Variants in NWD2 observed in about 807,000 individuals in gnomAD.
The protein encoded by NWD2 is NACHT and WD repeat domain containing 2.
A neutral mutation model predicts 132.7 loss-of-function variants in NWD2; 37 were observed. That is an observed-to-expected ratio of 0.28 (90% CI 0.21 to 0.37). The LOEUF is 0.37. NWD2 is among the 10% of genes least tolerant of loss of function. The pLI is 1.00. For missense variants in NWD2, 1,592 were observed against 2,122.4 expected (o/e 0.75, Z 4.91); for synonymous variants, 705 against 803.0 (o/e 0.88, Z 2.06).
Position 37,445,792 on chromosome 4 carries a change from A to C in NWD2, c.3804A>C (p.Ala1268=). Residue 1268 remains alanine, a synonymous_variant, in exon 7 of 7, where the codon GCA becomes GCC. Coordinates refer to ENST00000309447, the MANE Select transcript of NWD2 (RefSeq NM_001144990.2). This position sits in a 1 kb window ranked among gnomAD's most constrained non-coding sequence, Gnocchi z 4.7. The part of the protein sequence containing the change: ...FWRRDTGQCM[A]SLQEISGSIV... ...GGCGGGACACAGGACAGTGTATGGC[A>C]AGCTTGCAGGAAATCTCAGGTTCCA... The C allele has an allele frequency of 6.4e-7, 1 of 1,551,954 alleles. No homozygotes were observed. The highest frequency in any genetic ancestry group is 8.7e-7 in the Non-Finnish European group (1 of 1,147,054).
rs1345210493 is a variant in NWD2, at chr4:37,443,697, T to C, written c.1709T>C (p.Ile570Thr). The C allele has an allele frequency of 3.2e-6, 5 of 1,551,956 alleles. No homozygotes were observed. The highest frequency in any genetic ancestry group is 4.4e-6 in the Non-Finnish European group (5 of 1,147,088). ...GAAGAAGACAACTACATCGAGCTGA[T>C]TCCCCGAGACAGGAAGATGTGCAGC... is the stretch of plus-strand genomic sequence containing the variant. The part of the protein sequence containing the change: ...IHEEDNYIEL[I>T]PRDRKMCSQV... Residue 570 changes from isoleucine to threonine, a missense_variant, in exon 7 of 7, where the codon ATT becomes ACT. Physicochemically the swap from Ile to Thr is moderately conservative, Grantham distance 89 (BLOSUM62 -1). Around this residue, in one of 7 missense-constraint regions of NWD2, gnomAD observed 1,071 missense variants for 1,398.0 expected, o/e 0.77. Transcript: ENST00000309447. This position sits in a 1 kb window ranked among gnomAD's most constrained non-coding sequence, Gnocchi z 4.1.
At chr4:37,365,009 A>AT (rs1263110618) in intron 3 of NWD2, among the ~76,000 whole-genome samples, 4 of 152,186 alleles carry the variant, frequency 2.6e-5, no homozygotes, top group Non-Finnish European at 5.9e-5. Flanking sequence ...CTAACATTCT[A>AT]TTTTTGTATA....
intron 3 of NWD2, among the ~76,000 whole-genome samples, chr4:37,407,430 T>C (rs1721067222): frequency 1.3e-5 from 2 of 152,132 alleles, no homozygotes; most frequent in Admixed American, 6.5e-5. Flanking sequence ...CCAAAGTTTG[T>C]GATTCTGTGG....
intron 2 of NWD2, among the ~76,000 whole-genome samples, chr4:37,330,482 T>A (rs950537733): frequency 6.6e-6 from 1 of 152,160 alleles, no homozygotes; most frequent in Non-Finnish European, 1.5e-5. Context: ...GCAAAACAGA[T>A]AAAATAAATA....
intron 1 of NWD2, among the ~76,000 whole-genome samples, chr4:37,261,984 GAAGA>G (rs1176707119): frequency 2.6e-5 from 4 of 152,198 alleles, no homozygotes; most frequent in African/African-American, 9.6e-5. Context: ...GGTGTTCAAG[GAAGA>G]GCAAGGTCAT....
At chr4:37,415,334 G>C (rs1711559806) in intron 3 of NWD2, among the ~76,000 whole-genome samples, 1 of 152,140 alleles carries the variant, frequency 6.6e-6, no homozygotes, top group South Asian at 2.1e-4. Flanking sequence ...ATGAGTGAAT[G>C]GTCTAGAATT....
chr4:37,315,223 A>T (rs76923725), intron 1 of NWD2, among the ~76,000 whole-genome samples: 416 of 152,172 alleles, frequency 2.7e-3, no homozygotes, highest in Non-Finnish European at 4.3e-3. Flanking sequence ...GAAATGTTCC[A>T]TGAGCACCAG....
rs1719872023 is a variant in NWD2 at position 37,356,371 on chromosome 4, A to G, written c.246A>G (p.Ile82Met). 2 of 1,536,406 alleles carry G rather than the reference A, an allele frequency of 1.3e-6. No homozygotes were observed. The highest frequency in any genetic ancestry group is 1.8e-6 in the Non-Finnish European group (2 of 1,135,238). Residue 82 changes from isoleucine (I) to methionine (M), a missense_variant, in exon 3 of 7, where the codon ATA becomes ATG. This residue lies in a region of NWD2 where 144 missense variants were observed against 185.7 expected (regional missense o/e 0.78). Transcript: ENST00000309447. ...RENYGLEFQV[I>M]DLYWGVEEDE... ...CTTCATCCATCTGTCCCCAGGTCAT[A>G]GATCTGTACTGGGGAGTGGAAGAAG...
chr4:37,304,425 G>C (rs991388413), intron 1 of NWD2, among the ~76,000 whole-genome samples: 3 of 151,832 alleles, frequency 2.0e-5, no homozygotes, highest in Non-Finnish European at 4.4e-5. Context: ...TACTTTCTCA[G>C]CAGTCCCCCA....
At chr4:37,331,606 T>G (rs1369843601) in intron 2 of NWD2, among the ~76,000 whole-genome samples, 4 of 152,232 alleles carry the variant, frequency 2.6e-5, no homozygotes, top group Non-Finnish European at 4.4e-5. Context: ...AAATGTCATA[T>G]TGTGTCAATG....
intron 2 of NWD2, among the ~76,000 whole-genome samples, chr4:37,328,034 C>A (rs2109288733): frequency 6.6e-6 from 1 of 152,218 alleles, no homozygotes; most frequent in Admixed American, 6.5e-5. Context: ...AAGACTCTTC[C>A]TATCTAACCT....
chr4:37,308,983 A>C (rs1718773066), intron 1 of NWD2, among the ~76,000 whole-genome samples: 1 of 152,020 alleles, frequency 6.6e-6, no homozygotes. Flanking sequence ...GTGGCAGCAG[A>C]CATCAGATAA....
chr4:37,342,029 G>A (rs1461282570), intron 2 of NWD2, among the ~76,000 whole-genome samples: 1 of 152,164 alleles, frequency 6.6e-6, no homozygotes, highest in Non-Finnish European at 1.5e-5. Context: ...GACAGGAATA[G>A]AACCAACTCT....
At chr4:37,368,069 A>T (rs1720136170) in intron 3 of NWD2, among the ~76,000 whole-genome samples, 1 of 151,830 alleles carries the variant, frequency 6.6e-6, no homozygotes, top group African/African-American at 2.4e-5. Flanking sequence ...CAGTTGAATG[A>T]CTCAGATAAC....
At chr4:37,379,864 C>A (rs1171481015) in intron 3 of NWD2, among the ~76,000 whole-genome samples, 1 of 152,162 alleles carries the variant, frequency 6.6e-6, no homozygotes, top group African/African-American at 2.4e-5. Flanking sequence ...TAAATGGCTC[C>A]ATAGAATACA....
intron 1 of NWD2, among the ~76,000 whole-genome samples, chr4:37,303,292 T>A (rs1449617230): frequency 6.6e-6 from 1 of 152,188 alleles, no homozygotes; most frequent in Non-Finnish European, 1.5e-5. Context: ...GAGCTGAAAT[T>A]CTGTTACATC....
intron 1 of NWD2, among the ~76,000 whole-genome samples, chr4:37,284,667 A>G (rs1718191361): frequency 6.6e-6 from 1 of 152,188 alleles, no homozygotes; most frequent in Non-Finnish European, 1.5e-5. Flanking sequence ...AAAGGAAGAC[A>G]TTGTTCAATT....
intron 1 of NWD2, among the ~76,000 whole-genome samples, chr4:37,274,350 C>G (rs13111245): frequency 0.43 from 65,606 of 151,916 alleles, 15,080 homozygotes; most frequent in Middle Eastern, 0.52. Context: ...ATAAATTCCT[C>G]GACACATACA....
intron 3 of NWD2, among the ~76,000 whole-genome samples, chr4:37,416,123 A>C (rs1711590432): frequency 6.6e-6 from 1 of 152,192 alleles, no homozygotes; most frequent in Non-Finnish European, 1.5e-5. Context: ...GCCCCCCACA[A>C]GGCAGCAGGA....
Sources: allele counts gnomAD v4.1 joint callset (sites outside exome capture counted in the v4.1 genomes callset), GRCh38; gene constraint gnomAD v4.1.1; regional missense constraint gnomAD v4.1.1; non-coding constraint Gnocchi (gnomAD v3.1); transcripts MANE v1.5; gene names NCBI Gene and HGNC (gene_info 2026-07-23, HGNC 2026-07-21).